RRAGD: variants seen among roughly 807,000 people sequenced by gnomAD.
RRAGD encodes the protein Ras related GTP binding D.
In RRAGD, 12 loss-of-function variants were observed where a neutral mutation model predicts 35.5. The observed-to-expected ratio is 0.34, with a 90% confidence interval of 0.22 to 0.55. The LOEUF (loss-of-function observed/expected upper bound fraction) is 0.55. Ranked by LOEUF, RRAGD falls within the 20% of genes least tolerant of loss-of-function variation. RRAGD has a pLI of 0.91. For missense variants in RRAGD, 324 were observed against 490.1 expected (o/e 0.66, Z 3.20); for synonymous variants, 155 against 178.9 (o/e 0.87, Z 1.07).
rs1373814716 is a variant in RRAGD, at chr6:89,409,592, G to A, written c.148+2254C>T. Among the ~76,000 whole-genome samples, 5 of 152,198 alleles carry A rather than the reference G, an allele frequency of 3.3e-5. No individual in the cohort carries two copies. The East Asian group carries it at 9.6e-4, about 29-fold the overall frequency. ...TGAATCAGCCTTTTGAAGGGCACAG[G>A]AAGGGAAGTCACAACTCCCAACCTC... On this transcript the variant is annotated intron_variant, in intron 1 of 6. Coordinates refer to ENST00000369415, the MANE Select transcript of RRAGD (RefSeq NM_021244.5).
In RRAGD at chr6:89,366,916, T is replaced by C. The variant is rs1385712928; in HGVS notation, c.*1140A>G. ...TGGCAGGCTGAGCTTGGCTTAATCATAAGGTGGGAACAAGTGGAGTACATG... is the reference window on the plus strand; with the variant it reads ...TGGCAGGCTGAGCTTGGCTTAATCACAAGGTGGGAACAAGTGGAGTACATG... On this transcript the variant is annotated 3_prime_UTR_variant, in exon 7 of 7. Coordinates refer to ENST00000369415, the MANE Select transcript of RRAGD (RefSeq NM_021244.5). The C allele has an allele frequency of 6.6e-6, 1 of 152,104 alleles. No homozygotes were observed. The highest frequency in any genetic ancestry group is 1.5e-5 in the Non-Finnish European group (1 of 68,040). 9.4% of individuals were successfully genotyped at this position (152,104 alleles called of 1,614,324 possible). A position where few individuals can be genotyped will look rare whatever the true frequency, so the allele number is the denominator to read the frequency against.
chr6:89,386,912 ACTTTAT>A (rs1453258161), intron 2 of RRAGD, among the ~76,000 whole-genome samples: 1 of 152,208 alleles, frequency 6.6e-6, no homozygotes, highest in Non-Finnish European at 1.5e-5. Context: ...CACACCTAGA[ACTTTAT>A]CTTCATAGGA....
In RRAGD at chr6:89,394,164, A is replaced by T. The variant is rs192895282; in HGVS notation, c.149-6574T>A. Among the ~76,000 whole-genome samples, 537 of 152,312 alleles carry T rather than the reference A, an allele frequency of 3.5e-3. 1 individual carries two copies. Among genetic ancestry groups the T allele is most frequent in the South Asian group, 5.2e-3 (25 of 4,830 alleles). On this transcript the variant is annotated intron_variant, in intron 1 of 6. Transcript: ENST00000369415. ...TAGAGAAGCCTTTCCTAAATTAACA[A>T]AAGATAAAACTCAAAATGAACAGAC...
At chr6:89,408,854 A>C (rs1769640766) in intron 1 of RRAGD, among the ~76,000 whole-genome samples, 2 of 152,336 alleles carry the variant, frequency 1.3e-5, no homozygotes. Context: ...ATCTAAAAAT[A>C]ATCATTATTT....
Position 89,411,770 on chromosome 6 carries a change from C to A in RRAGD, c.148+76G>T, listed in dbSNP as rs113086318. On this transcript the variant is annotated intron_variant, in intron 1 of 6. Coordinates refer to ENST00000369415, the MANE Select transcript of RRAGD (RefSeq NM_021244.5). This position sits in a 1 kb window ranked among gnomAD's most constrained non-coding sequence, Gnocchi z 5.6. ...CCCCTCCAAGTCGGTGGCTCGCGCACGGCCGGGCTGGGGGCGGGAAGGCGC... is the reference window on the plus strand; with the variant it reads ...CCCCTCCAAGTCGGTGGCTCGCGCAAGGCCGGGCTGGGGGCGGGAAGGCGC... The A allele has an allele frequency of 2.1e-6, 3 of 1,463,258 alleles. No homozygotes were observed. Among genetic ancestry groups the A allele is most frequent in the East Asian group, 2.7e-5 (1 of 37,348 alleles). The allele number at this position is 1,463,258 out of a possible 1,614,324, so 90.6% of individuals were successfully genotyped here.
At chr6:89,374,092 T>G (rs1768895229) in intron 5 of RRAGD, among the ~76,000 whole-genome samples, 1 of 152,218 alleles carries the variant, frequency 6.6e-6, no homozygotes, top group Admixed American at 6.5e-5. Flanking sequence ...CCTTACCACA[T>G]TCACTGAGAA....
chr6:89,407,380 G>A (rs1238805883), intron 1 of RRAGD, among the ~76,000 whole-genome samples: 1 of 152,236 alleles, frequency 6.6e-6, no homozygotes, highest in South Asian at 2.1e-4. Flanking sequence ...GCTCATGCCT[G>A]TAATCCCAGT....
At chr6:89,370,770 T>C (rs1477985673) in intron 6 of RRAGD, among the ~76,000 whole-genome samples, 1 of 152,070 alleles carries the variant, frequency 6.6e-6, no homozygotes, top group African/African-American at 2.4e-5. Context: ...ATAATTTAAG[T>C]GAAGGTTATA....
In RRAGD at chr6:89,367,133, C is replaced by G. The variant is rs1346895171; in HGVS notation, c.*923G>C. Reference sequence around the variant, plus strand: ...CAGGGCCAAAAGTCCAGAATTGTATCTATGTTTTTTAGTCTGCAGTTGCCA... The same window carrying G: ...CAGGGCCAAAAGTCCAGAATTGTATGTATGTTTTTTAGTCTGCAGTTGCCA... On this transcript the variant is annotated 3_prime_UTR_variant, in exon 7 of 7. Coordinates refer to ENST00000369415, the MANE Select transcript of RRAGD (RefSeq NM_021244.5). 1 of 152,194 alleles carries G rather than the reference C, an allele frequency of 6.6e-6. No homozygotes were observed. Among genetic ancestry groups the G allele is most frequent in the Non-Finnish European group, 1.5e-5 (1 of 68,050 alleles). The allele number at this position is 152,194 out of a possible 1,614,324, so 9.4% of individuals were successfully genotyped here.
intron 3 of RRAGD, 45 bp downstream of exon 3, chr6:89,380,123 T>A (rs1241430443): frequency 1.3e-6 from 2 of 1,590,862 alleles, no homozygotes; most frequent in Admixed American, 1.7e-5. Flanking sequence ...CAAACTTGCT[T>A]TCTTCCATCC....
chr6:89,380,912 G>GAAA (rs60978384), intron 2 of RRAGD, among the ~76,000 whole-genome samples: 6 of 136,770 alleles, frequency 4.4e-5, no homozygotes, highest in South Asian at 2.3e-4. Context: ...GTCACAAAAA[G>GAAA]AAAAAAAAAA....
intron 2 of RRAGD, among the ~76,000 whole-genome samples, 199 bp downstream of exon 2, chr6:89,387,096 A>G (rs910002699): frequency 1.3e-5 from 2 of 152,184 alleles, no homozygotes; most frequent in Non-Finnish European, 1.5e-5. Context: ...CTGAAGTGTC[A>G]ATTGTTCCCT....
At chr6:89,384,304 A>G (rs557665746) in intron 2 of RRAGD, among the ~76,000 whole-genome samples, 1 of 152,318 alleles carries the variant, frequency 6.6e-6, no homozygotes, top group Non-Finnish European at 1.5e-5. Flanking sequence ...AATAAATTAC[A>G]GCATTCAACA....
At chr6:89,406,579 G>A (rs1769584043) in intron 1 of RRAGD, among the ~76,000 whole-genome samples, 1 of 152,104 alleles carries the variant, frequency 6.6e-6, no homozygotes, top group South Asian at 2.1e-4. Flanking sequence ...CCTGACTCCA[G>A]GGAAAAACCG....
intron 1 of RRAGD, among the ~76,000 whole-genome samples, chr6:89,397,164 A>T (rs1226922037): frequency 6.6e-6 from 1 of 152,222 alleles, no homozygotes; most frequent in East Asian, 1.9e-4. Flanking sequence ...ATAAAATGTA[A>T]ATCAAAACTA....
At chr6:89,391,433 T>A (rs1405581679) in intron 1 of RRAGD, among the ~76,000 whole-genome samples, 5 of 150,464 alleles carry the variant, frequency 3.3e-5, no homozygotes, top group African/African-American at 9.8e-5. Flanking sequence ...AAAAAAGGAA[T>A]AAAGTACCAA....
At chr6:89,375,636 C>T (rs897982153) in intron 5 of RRAGD, among the ~76,000 whole-genome samples, 1 of 152,194 alleles carries the variant, frequency 6.6e-6, no homozygotes, top group African/African-American at 2.4e-5. Flanking sequence ...CACCTGCTTC[C>T]TCATTGCCTA....
chr6:89,405,353 CA>C (rs56252416), intron 1 of RRAGD, among the ~76,000 whole-genome samples: 209 of 52,198 alleles, frequency 4.0e-3, no homozygotes, highest in South Asian at 6.8e-3. Context: ...GACTCCGTCT[CA>C]AAAAAAAAAA....
chr6:89,365,467 C>T lies in RRAGD; in HGVS notation c.*2589G>A, dbSNP rs1487380539. 1 of 152,168 alleles carries T rather than the reference C, an allele frequency of 6.6e-6. No individual in the cohort carries two copies. The highest frequency in any genetic ancestry group is 2.4e-5 in the African/African-American group (1 of 41,436). The allele number at this position is 152,168 out of a possible 1,614,324, so 9.4% of individuals were successfully genotyped here. On this transcript the variant is annotated 3_prime_UTR_variant, in exon 7 of 7. Coordinates refer to ENST00000369415, the MANE Select transcript of RRAGD (RefSeq NM_021244.5). ...GGCCATACACATCGCAATAAGCTGCCTCTCATATCAAAAATACAATGCAAA... is the reference window on the plus strand; with the variant it reads ...GGCCATACACATCGCAATAAGCTGCTTCTCATATCAAAAATACAATGCAAA...
Sources: gnomAD v4.1 joint callset for allele counts (sites outside exome capture counted in the v4.1 genomes callset) on GRCh38, gnomAD v4.1.1 for gene constraint, Gnocchi (gnomAD v3.1) non-coding constraint, MANE v1.5 for transcripts, NCBI Gene and HGNC (gene_info 2026-07-23, HGNC 2026-07-21) for gene names.